The following NCK2 variants were observed in gnomAD, a reference collection of about 807,000 sequenced individuals.
NCK2 encodes the protein cytoplasmic protein NCK2.
Under a neutral mutation model 33.9 loss-of-function variants are expected in NCK2, and 16 were observed. The ratio of observed to expected loss-of-function variants is 0.47; its 90% confidence interval spans 0.32 to 0.72. The LOEUF (loss-of-function observed/expected upper bound fraction) is 0.72. Ranked by LOEUF, NCK2 falls within the 30% of genes least tolerant of loss-of-function variation. NCK2 has a pLI of 0.03. For synonymous variants in NCK2, 273 were observed against 239.9 expected (o/e 1.14, Z -1.27); for missense variants, 418 against 537.3 (o/e 0.78, Z 2.19).
chr2:105,826,907 A>G (rs1317707770), intron 2 of NCK2, among the ~76,000 whole-genome samples: 4 of 152,244 alleles, frequency 2.6e-5, no homozygotes, highest in African/African-American at 9.6e-5. Flanking sequence ...AAATTGTTAT[A>G]TTAATATCAG....
chr2:105,794,045 A>ATTTTTTTTTTTTTTTTTTTTTTTTTTTGT (rs554091969), intron 1 of NCK2, among the ~76,000 whole-genome samples: 1 of 109,558 alleles, frequency 9.1e-6, no homozygotes. Context: ...GTATCTTTCG[A>ATTTTTTTTTTTTTTTTTTTTTTTTTTTGT]TTTTTTTTTT....
chr2:105,798,373 T>C (rs1176401056), intron 1 of NCK2, among the ~76,000 whole-genome samples: 2 of 152,146 alleles, frequency 1.3e-5, no homozygotes, highest in East Asian at 3.9e-4. Flanking sequence ...CATTTTTTTT[T>C]CTTCTTTCAG....
chr2:105,821,257 G>C (rs1255684239), intron 2 of NCK2, among the ~76,000 whole-genome samples: 1 of 152,126 alleles, frequency 6.6e-6, no homozygotes, highest in African/African-American at 2.4e-5. Flanking sequence ...CCCCCAACAG[G>C]TTATTTAGAA....
chr2:105,812,987 G>A (rs1203509094), intron 1 of NCK2, among the ~76,000 whole-genome samples: 1 of 152,134 alleles, frequency 6.6e-6, no homozygotes, highest in African/African-American at 2.4e-5. Context: ...CCAGACAGAT[G>A]GCATCAGCAG....
At chr2:105,832,583 A>G (rs1390969886) in intron 2 of NCK2, among the ~76,000 whole-genome samples, 1 of 152,102 alleles carries the variant, frequency 6.6e-6, no homozygotes, top group African/African-American at 2.4e-5. Context: ...CATTTTGTTG[A>G]TGTGATGTAT....
At chr2:105,750,392 T>C (rs963222855) in intron 1 of NCK2, among the ~76,000 whole-genome samples, 3 of 152,232 alleles carry the variant, frequency 2.0e-5, no homozygotes, top group Non-Finnish European at 4.4e-5. Context: ...TATAGTCACT[T>C]AGGGGTTAGG....
At chr2:105,744,865 T>TCGC (rs1170930281), upstream of NCK2, 72,333 of 153,670 alleles carry the variant, frequency 0.47, 18,023 homozygotes, top group East Asian at 0.61. Context: ...CGGGGGAGGG[T>TCGC]CGCCGCCGCC....
chr2:105,856,476 G>A (rs766508291), intron 3 of NCK2, among the ~76,000 whole-genome samples: 2 of 152,158 alleles, frequency 1.3e-5, no homozygotes, highest in Admixed American at 1.3e-4. Context: ...AAGAGGATTT[G>A]TTTTCTTTTG....
chr2:105,770,125 A>T (rs1433836347), intron 1 of NCK2, among the ~76,000 whole-genome samples: 1 of 25,130 alleles, frequency 4.0e-5, no homozygotes, highest in South Asian at 1.1e-3. Flanking sequence ...ACTAATAAGT[A>T]AAAAAAAAAA....
intron 2 of NCK2, among the ~76,000 whole-genome samples, chr2:105,830,716 T>TG (rs754543630): frequency 0.17 from 24,349 of 144,648 alleles, 2,582 homozygotes; most frequent in East Asian, 0.3. Context: ...TGTGTGTGTG[T>TG]TTGGTCTGAT....
In NCK2 at chr2:105,856,495, A is replaced by G. The variant is rs151022772; in HGVS notation, c.226+1206A>G. Among the ~76,000 whole-genome samples the G allele has an allele frequency of 1.6e-3, 240 of 152,344 alleles. 1 individual carries two copies. Among genetic ancestry groups the G allele is most frequent in the African/African-American group, 4.9e-3 (204 of 41,568 alleles). ...GGATTTGTTTTCTTTTGGGGAATGGAGAATGAGGAATACGTAGGAAAACTG... is the reference window on the plus strand; with the variant it reads ...GGATTTGTTTTCTTTTGGGGAATGGGGAATGAGGAATACGTAGGAAAACTG... On this transcript the variant is annotated intron_variant, in intron 3 of 4. Transcript: ENST00000233154.
At chr2:105,872,512 G>T (rs574217781) in intron 3 of NCK2, among the ~76,000 whole-genome samples, 1 of 152,154 alleles carries the variant, frequency 6.6e-6, no homozygotes, top group African/African-American at 2.4e-5. Flanking sequence ...GATTGTCACC[G>T]TTGGTCATCT....
chr2:105,772,532 C>T (rs1051616854), intron 1 of NCK2, among the ~76,000 whole-genome samples: 6 of 152,076 alleles, frequency 3.9e-5, no homozygotes, highest in African/African-American at 7.2e-5. Context: ...CTCCTCCCTC[C>T]GCAGCACTGG....
chr2:105,854,972 A>T, intron 2 of NCK2, 76 bp from the exon 3 acceptor site: 1 of 1,141,490 alleles, frequency 8.8e-7, no homozygotes, highest in Non-Finnish European at 1.3e-6. Context: ...GTCAGTGCCT[A>T]ATTTTTCAAG....
intron 1 of NCK2, among the ~76,000 whole-genome samples, chr2:105,785,188 C>G (rs563138949): frequency 7.3e-4 from 111 of 152,274 alleles, no homozygotes; most frequent in Admixed American, 1.2e-3. Flanking sequence ...CTGTGTTAGC[C>G]AGGATGGTCT....
chr2:105,824,745 T>C (rs1485914825), intron 2 of NCK2, among the ~76,000 whole-genome samples: 1 of 152,100 alleles, frequency 6.6e-6, no homozygotes, highest in Non-Finnish European at 1.5e-5. Context: ...GGCAGTGACA[T>C]GGAGGGAGAG....
At chr2:105,855,514 CTT>C in intron 3 of NCK2, 1 of 466,008 alleles carries the variant, frequency 2.1e-6, no homozygotes, top group South Asian at 2.7e-5. Flanking sequence ...TATGGAGACA[CTT>C]TGTGTGCTTG....
At chr2:105,822,258 C>T (rs975182309) in intron 2 of NCK2, among the ~76,000 whole-genome samples, 2 of 152,076 alleles carry the variant, frequency 1.3e-5, no homozygotes, top group African/African-American at 4.8e-5. Flanking sequence ...CCTGAATCCC[C>T]CGAGGGCCTC....
intron 2 of NCK2, among the ~76,000 whole-genome samples, chr2:105,828,968 T>G (rs1300122564): frequency 6.6e-6 from 1 of 152,188 alleles, no homozygotes; most frequent in Non-Finnish European, 1.5e-5. Flanking sequence ...ATGAGCTGAT[T>G]CTTTATTTCA....
Sources: gnomAD v4.1 joint callset for allele counts (sites outside exome capture counted in the v4.1 genomes callset) on GRCh38, gnomAD v4.1.1 for gene constraint, MANE v1.5 for transcripts, NCBI Gene and HGNC (gene_info 2026-07-23, HGNC 2026-07-21) for gene names.